The following ASIC2 variants were observed in gnomAD, a reference collection of about 807,000 sequenced individuals.
ASIC2 encodes acid sensing ion channel subunit 2.
In ASIC2, 25 loss-of-function variants were observed where a neutral mutation model predicts 57.3. The ratio of observed to expected loss-of-function variants is 0.44; its 90% CI spans 0.32 to 0.61. The LOEUF (loss-of-function observed/expected upper bound fraction) is 0.61. Ranked by LOEUF, ASIC2 falls within the 20% of genes least tolerant of loss-of-function variation. ASIC2 has a pLI of 0.06. For synonymous variants in ASIC2, 319 were observed against 307.5 expected (o/e 1.04, Z -0.39); for missense variants, 641 against 738.1 (o/e 0.87, Z 1.52).
chr17:33,802,907 T>C (rs150817274), intron 1 of ASIC2, among the ~76,000 whole-genome samples: 52 of 152,346 alleles, frequency 3.4e-4, no homozygotes, highest in African/African-American at 1.3e-3. Context: ...ACTCCAGCAA[T>C]GAACTAGAGC....
rs576735706 is a variant in ASIC2, at chr17:34,104,939, CA to C, written c.555+51038del. 1.1e-4 allele frequency among the ~76,000 whole-genome samples: 17 copies of C among 152,038 alleles called. No homozygotes were observed. In the East Asian group the frequency reaches 3.1e-3, roughly 28 times the overall value. On this transcript the variant is annotated intron_variant, in intron 1 of 9. Transcript: ENST00000359872. The stretch of plus-strand genomic sequence containing the variant: ...TTTGTCATGGTTTGATATCAAAAAT[CA>C]ATTCATAAAATGGGTTAAGATGTTA...
intron 1 of ASIC2, among the ~76,000 whole-genome samples, chr17:33,301,374 A>G (rs928473394): frequency 2.6e-5 from 4 of 152,120 alleles, no homozygotes; most frequent in South Asian, 4.1e-4. Flanking sequence ...CAGCAACTCT[A>G]TGAAGTATGT....
chr17:33,882,190 A>C (rs1914716843), intron 1 of ASIC2, among the ~76,000 whole-genome samples: 1 of 152,262 alleles, frequency 6.6e-6, no homozygotes, highest in South Asian at 2.1e-4. Flanking sequence ...CATTCGGGAC[A>C]TAGGCATGGG....
intron 1 of ASIC2, among the ~76,000 whole-genome samples, chr17:33,217,722 G>T (rs1194443006): frequency 6.6e-6 from 1 of 152,190 alleles, no homozygotes; most frequent in African/African-American, 2.4e-5. Flanking sequence ...TGAACTTCAG[G>T]TTTCTTCTCT....
chr17:33,048,714 G>T (rs1479024278), intron 3 of ASIC2, among the ~76,000 whole-genome samples: 1 of 152,174 alleles, frequency 6.6e-6, no homozygotes, highest in Non-Finnish European at 1.5e-5. Flanking sequence ...GCACTCCCTG[G>T]ATGGGAGTTC....
chr17:34,052,833 G>T lies in ASIC2; in HGVS notation c.555+103145C>A, dbSNP rs185581943. On this transcript the variant is annotated intron_variant, in intron 1 of 9. Coordinates refer to the ASIC2 transcript ENST00000359872. ...GGGATTTCACTATGTTGGCCAGGCTGGTCTCAAACTCCTGACCTCAGGTGA... is the reference window on the plus strand; with the variant it reads ...GGGATTTCACTATGTTGGCCAGGCTTGTCTCAAACTCCTGACCTCAGGTGA... Among the ~76,000 whole-genome samples the T allele has an allele frequency of 3.8e-3, 581 of 151,908 alleles. 3 individuals carry two copies. Among genetic ancestry groups the T allele is most frequent in the African/African-American group, 0.013 (540 of 41,398 alleles).
At chr17:33,477,010 T>C (rs76117808) in intron 1 of ASIC2, among the ~76,000 whole-genome samples, 3,588 of 152,278 alleles carry the variant, frequency 0.024, 136 homozygotes, top group African/African-American at 0.081. Flanking sequence ...GTGTATACTA[T>C]GTATATGTGT....
intron 1 of ASIC2, among the ~76,000 whole-genome samples, chr17:33,464,481 TC>T (rs1174938741): frequency 3.0e-5 from 2 of 66,692 alleles, no homozygotes; most frequent in African/African-American, 6.8e-5. Flanking sequence ...CTTTCTTTTC[TC>T]TCTTTCTTTC....
chr17:33,695,811 G>GTT (rs1187326929), intron 1 of ASIC2, among the ~76,000 whole-genome samples: 3 of 152,058 alleles, frequency 2.0e-5, no homozygotes, highest in Middle Eastern at 3.2e-3. Context: ...CTAGTCCACA[G>GTT]TTTTTAATAT....
intron 1 of ASIC2, among the ~76,000 whole-genome samples, chr17:33,710,419 A>G (rs12449681): frequency 0.13 from 19,901 of 152,260 alleles, 1,338 homozygotes; most frequent in African/African-American, 0.16. Flanking sequence ...TGGAGGAAAC[A>G]GGTCCGGAAA....
At chr17:33,406,197 T>C (rs578172040) in intron 1 of ASIC2, among the ~76,000 whole-genome samples, 3 of 152,280 alleles carry the variant, frequency 2.0e-5, no homozygotes, top group South Asian at 2.1e-4. Context: ...ATAATTGATA[T>C]AGGTAAAGCT....
intron 1 of ASIC2, among the ~76,000 whole-genome samples, chr17:33,740,620 C>A (rs1910081533): frequency 6.6e-6 from 1 of 152,150 alleles, no homozygotes; most frequent in Non-Finnish European, 1.5e-5. Context: ...CAAACCACAT[C>A]AGCTAGTAGC....
At chr17:33,676,984 ACCTTCTTTTGC>A (rs2142055009) in intron 1 of ASIC2, among the ~76,000 whole-genome samples, 1 of 152,146 alleles carries the variant, frequency 6.6e-6, no homozygotes, top group South Asian at 2.1e-4. Flanking sequence ...CCTCGCTTGC[ACCTTCTTTTGC>A]CATGTGAAGT....
chr17:33,585,846 A>G (rs949204026), intron 1 of ASIC2, among the ~76,000 whole-genome samples: 5 of 152,092 alleles, frequency 3.3e-5, no homozygotes, highest in African/African-American at 4.8e-5. Flanking sequence ...ACTTTATTAC[A>G]TATATGTCTT....
chr17:33,755,730 A>C (rs1815146092), intron 1 of ASIC2, among the ~76,000 whole-genome samples: 1 of 152,204 alleles, frequency 6.6e-6, no homozygotes, highest in African/African-American at 2.4e-5. Context: ...GAAATACTAG[A>C]TCTAACGTGA....
intron 1 of ASIC2, among the ~76,000 whole-genome samples, chr17:34,072,924 C>T (rs574474990): frequency 6.6e-6 from 1 of 152,166 alleles, no homozygotes; most frequent in Non-Finnish European, 1.5e-5. Context: ...TGCCCTGGTA[C>T]TAAATTTTGT....
chr17:33,440,908 T>C (rs1485939049), intron 1 of ASIC2, among the ~76,000 whole-genome samples: 1 of 152,212 alleles, frequency 6.6e-6, no homozygotes, highest in African/African-American at 2.4e-5. Flanking sequence ...TGCAATATTT[T>C]TATTACTTGC....
chr17:33,776,047 A>C (rs577258136), intron 1 of ASIC2, among the ~76,000 whole-genome samples: 5 of 150,980 alleles, frequency 3.3e-5, no homozygotes, highest in African/African-American at 1.2e-4. Flanking sequence ...GCAGGAGAAT[A>C]GCTTGAACCA....
intron 3 of ASIC2, among the ~76,000 whole-genome samples, chr17:33,059,361 A>T (rs566083825): frequency 5.3e-5 from 8 of 151,818 alleles, no homozygotes; most frequent in African/African-American, 1.9e-4. Flanking sequence ...TCCTGTGTCC[A>T]AGTGTTCTCA....
Sources: allele counts gnomAD v4.1 joint callset (sites outside exome capture counted in the v4.1 genomes callset), GRCh38; gene constraint gnomAD v4.1.1; transcripts MANE v1.5; gene names NCBI Gene and HGNC (gene_info 2026-07-23, HGNC 2026-07-21).